The following FSTL5 variants were observed in gnomAD, a reference collection of about 807,000 sequenced individuals.
The protein encoded by FSTL5 is follistatin-related protein 5.
FSTL5 carries 62 observed loss-of-function variants against 89.1 expected under a neutral mutation model. The observed-to-expected ratio is 0.70, with a 90% CI of 0.57 to 0.86. The LOEUF is 0.86. Among genes scored for constraint, FSTL5 ranks in the 40% least tolerant of loss-of-function variants. The probability of loss-of-function intolerance (pLI) is 0.00; values close to 1 mark genes in which losing one functional copy is unlikely to be tolerated. For missense variants in FSTL5, 1,057 were observed against 1,001.6 expected, an observed-to-expected ratio of 1.06 and a Z score of -0.75; for synonymous variants, 383 against 346.2, an observed-to-expected ratio of 1.11 and a Z score of -1.18.
At position 161,468,196 on chromosome 4, in the gene FSTL5, A is replaced by C. The variant is rs1469670182; in HGVS notation, c.1609-8877T>G. On this transcript the variant is annotated intron_variant, in intron 13 of 15. Transcript: ENST00000306100. ...CTCCAGAGCTGAGTGAGCGACCCCCACTACATACTACTGCCTCTGTGTTTT... is the reference window on the plus strand; with the variant it reads ...CTCCAGAGCTGAGTGAGCGACCCCCCCTACATACTACTGCCTCTGTGTTTT... Among the ~76,000 whole-genome samples, 6 of 151,170 alleles carry C rather than the reference A, an allele frequency of 4.0e-5. No homozygotes were observed. The East Asian group carries it at 1.2e-3, about 29-fold the overall frequency.
chr4:162,014,254 G>A (rs771039705), intron 3 of FSTL5, among the ~76,000 whole-genome samples: 2 of 152,202 alleles, frequency 1.3e-5, no homozygotes, highest in Non-Finnish European at 2.9e-5. Flanking sequence ...GAACAGAACA[G>A]TTATTTGCTA....
At chr4:161,832,284 G>A (rs1252750892) in intron 4 of FSTL5, among the ~76,000 whole-genome samples, 1 of 152,082 alleles carries the variant, frequency 6.6e-6, no homozygotes, top group Non-Finnish European at 1.5e-5. Flanking sequence ...TATTTTTTGG[G>A]AGGTGAGACG....
At chr4:162,088,819 C>A (rs1009466644) in intron 2 of FSTL5, among the ~76,000 whole-genome samples, 4 of 152,022 alleles carry the variant, frequency 2.6e-5, no homozygotes, top group African/African-American at 9.7e-5. Context: ...AAGTGATTCT[C>A]AGATTTACTT....
At chr4:161,589,054 T>C (rs1447730173) in intron 7 of FSTL5, among the ~76,000 whole-genome samples, 2 of 151,154 alleles carry the variant, frequency 1.3e-5, no homozygotes, top group Non-Finnish European at 2.9e-5. Context: ...AGTGACATGA[T>C]CTTGGCTCAC....
chr4:161,917,785 C>T (rs757279279), intron 4 of FSTL5, among the ~76,000 whole-genome samples: 50 of 152,024 alleles, frequency 3.3e-4, no homozygotes, highest in Non-Finnish European at 4.1e-4. Flanking sequence ...CATTTAGAGG[C>T]CATAAAATCT....
intron 2 of FSTL5, among the ~76,000 whole-genome samples, chr4:162,049,344 A>T (rs1007314392): frequency 5.3e-5 from 8 of 152,200 alleles, no homozygotes; most frequent in Admixed American, 4.6e-4. Context: ...TATTAGCAAG[A>T]TAATTTTAGT....
intron 13 of FSTL5, among the ~76,000 whole-genome samples, chr4:161,474,347 AG>A (rs1293202960): frequency 1.3e-5 from 2 of 152,176 alleles, no homozygotes; most frequent in African/African-American, 2.4e-5. Context: ...GAAAACAAAA[AG>A]GGTTTTTGCA....
intron 2 of FSTL5, among the ~76,000 whole-genome samples, chr4:162,053,891 G>A (rs1230269314): frequency 2.0e-5 from 3 of 151,578 alleles, no homozygotes; most frequent in South Asian, 2.1e-4. Context: ...TGAAAAAATA[G>A]TTCCTGTTCT....
At chr4:161,653,068 C>A (rs1229884036) in intron 7 of FSTL5, among the ~76,000 whole-genome samples, 1 of 152,110 alleles carries the variant, frequency 6.6e-6, no homozygotes. Flanking sequence ...TGTAATTAGA[C>A]CCCCAAATTA....
At chr4:161,918,126 A>G (rs1319906172) in intron 4 of FSTL5, among the ~76,000 whole-genome samples, 2 of 152,192 alleles carry the variant, frequency 1.3e-5, no homozygotes, top group African/African-American at 4.8e-5. Context: ...CACAATTATA[A>G]AATTAATTTT....
At chr4:161,441,749 C>G (rs1320189384) in intron 15 of FSTL5, among the ~76,000 whole-genome samples, 1 of 152,052 alleles carries the variant, frequency 6.6e-6, no homozygotes, top group Non-Finnish European at 1.5e-5. Flanking sequence ...TCATAAGTTT[C>G]CATCAAATCC....
At chr4:162,042,125 G>A (rs1737986577) in intron 2 of FSTL5, 1 of 151,616 alleles carries the variant, frequency 6.6e-6, no homozygotes, top group Non-Finnish European at 1.5e-5. Context: ...ATTCCAGCCT[G>A]GGCAATAAGA....
intron 13 of FSTL5, among the ~76,000 whole-genome samples, chr4:161,468,497 T>C (rs534898893): frequency 6.6e-6 from 1 of 152,228 alleles, no homozygotes; most frequent in South Asian, 2.1e-4. Context: ...GCAAGCATAT[T>C]CCTCAGGTTA....
chr4:161,538,565 T>C (rs1731712432), intron 9 of FSTL5, among the ~76,000 whole-genome samples: 1 of 152,196 alleles, frequency 6.6e-6, no homozygotes, highest in Admixed American at 6.5e-5. Context: ...ACATTGTATA[T>C]GAGGTATTTC....
At chr4:161,501,614 T>C (rs547221143) in intron 11 of FSTL5, among the ~76,000 whole-genome samples, 1 of 152,154 alleles carries the variant, frequency 6.6e-6, no homozygotes, top group Non-Finnish European at 1.5e-5. Context: ...GTACTTCTAT[T>C]TTAATAGATG....
chr4:161,618,673 C>A (rs1269577726), intron 7 of FSTL5, among the ~76,000 whole-genome samples: 1 of 152,078 alleles, frequency 6.6e-6, no homozygotes, highest in Non-Finnish European at 1.5e-5. Flanking sequence ...AGGGATGAAG[C>A]CCACTTGATC....
intron 3 of FSTL5, among the ~76,000 whole-genome samples, chr4:161,958,749 T>C (rs942574705): frequency 1.3e-5 from 2 of 152,152 alleles, no homozygotes; most frequent in African/African-American, 4.8e-5. Context: ...TGCTGCGCAG[T>C]GCAATGGAGG....
chr4:161,500,337 G>A lies in FSTL5; in HGVS notation c.1340-203C>T, dbSNP rs530901561. ...AGACATTACACTTCATTCTTCCTGTGCTGCAGTTTAGTGGTTTCTTTAATA... is the reference window on the plus strand; with the variant it reads ...AGACATTACACTTCATTCTTCCTGTACTGCAGTTTAGTGGTTTCTTTAATA... On this transcript the variant is annotated intron_variant, in intron 11 of 15. Transcript: ENST00000306100. Among the ~76,000 whole-genome samples, 6 of 152,090 alleles carry A rather than the reference G, an allele frequency of 3.9e-5. No individual in the cohort carries two copies. In the South Asian group the frequency reaches 1.2e-3, roughly 32 times the overall value.
chr4:162,024,774 T>C (rs1479465594), intron 3 of FSTL5, among the ~76,000 whole-genome samples: 1 of 152,010 alleles, frequency 6.6e-6, no homozygotes, highest in Non-Finnish European at 1.5e-5. Context: ...AACCTCAGCC[T>C]CTAGAGGGAC....
Sources: allele counts gnomAD v4.1 joint callset (sites outside exome capture counted in the v4.1 genomes callset), GRCh38; gene constraint gnomAD v4.1.1; transcripts MANE v1.5; gene names NCBI Gene and HGNC (gene_info 2026-07-23, HGNC 2026-07-21).